Variants in DSCAM observed in about 807,000 individuals in gnomAD.
The protein encoded by DSCAM is cell adhesion molecule DSCAM.
DSCAM carries 47 observed loss-of-function variants against 217.7 expected under a neutral mutation model. The ratio of observed to expected loss-of-function variants is 0.22; its 90% CI spans 0.17 to 0.28. The LOEUF is 0.28. Among genes scored for constraint, DSCAM ranks in the 10% least tolerant of loss-of-function variants. The pLI is 1.00. For missense variants in DSCAM, 2,080 were observed against 2,618.3 expected (o/e 0.79, Z 4.49); for synonymous variants, 1,056 against 1,015.3 (o/e 1.04, Z -0.76).
At chr21:40,440,810 C>T (rs2075623434) in intron 3 of DSCAM, among the ~76,000 whole-genome samples, 1 of 151,696 alleles carries the variant, frequency 6.6e-6, no homozygotes, top group Non-Finnish European at 1.5e-5. Context: ...ACCTATACCA[C>T]ATGAGGTTGC....
intron 1 of DSCAM, among the ~76,000 whole-genome samples, chr21:40,829,568 G>A (rs927294574): frequency 5.3e-5 from 8 of 152,224 alleles, no homozygotes; most frequent in African/African-American, 1.9e-4. Context: ...GTGAGTAGGT[G>A]TGAGCACCTG....
At chr21:40,526,154 C>A (rs753201827) in intron 3 of DSCAM, among the ~76,000 whole-genome samples, 1 of 152,204 alleles carries the variant, frequency 6.6e-6, no homozygotes, top group Non-Finnish European at 1.5e-5. Context: ...GGGAGCCCAG[C>A]GTCAGAGGCT....
At chr21:40,146,120 G>A (rs2090354124) in intron 16 of DSCAM, among the ~76,000 whole-genome samples, 1 of 152,158 alleles carries the variant, frequency 6.6e-6, no homozygotes, top group Non-Finnish European at 1.5e-5. Flanking sequence ...CCTGCAGAGA[G>A]GAAATAAGCA....
At chr21:40,768,875 G>GA (rs1301512941) in intron 1 of DSCAM, among the ~76,000 whole-genome samples, 1 of 152,116 alleles carries the variant, frequency 6.6e-6, no homozygotes, top group Non-Finnish European at 1.5e-5. Context: ...AGAACAAGAG[G>GA]AAAAAACAAG....
At chr21:40,573,742 C>T (rs1160818721) in intron 3 of DSCAM, among the ~76,000 whole-genome samples, 1 of 152,048 alleles carries the variant, frequency 6.6e-6, no homozygotes, top group African/African-American at 2.4e-5. Context: ...AATTGGTATA[C>T]TTCTAGAAAA....
At chr21:40,113,306 A>T (rs916830695) in intron 20 of DSCAM, among the ~76,000 whole-genome samples, 16 of 152,290 alleles carry the variant, frequency 1.1e-4, no homozygotes, top group African/African-American at 3.8e-4. Context: ...AACCAAAGAC[A>T]AAAACCACAT....
chr21:40,629,406 G>A (rs2089656597), intron 3 of DSCAM: 1 of 152,182 alleles, frequency 6.6e-6, no homozygotes, highest in African/African-American at 2.4e-5. Context: ...CCAGTTAAAC[G>A]ATACCCAAAC....
intron 1 of DSCAM, among the ~76,000 whole-genome samples, chr21:40,739,459 G>A (rs1265812155): frequency 3.9e-5 from 6 of 152,322 alleles, no homozygotes; most frequent in South Asian, 2.1e-4. Context: ...AGAAGTCCAG[G>A]ACCAAGTTGT....
chr21:40,482,069 T>C (rs1569141772), intron 3 of DSCAM, among the ~76,000 whole-genome samples: 1 of 152,216 alleles, frequency 6.6e-6, no homozygotes, highest in Non-Finnish European at 1.5e-5. Context: ...GAAGAGCAAG[T>C]GCAGCCTCTC....
chr21:40,414,748 G>A (rs1050328559), intron 3 of DSCAM, among the ~76,000 whole-genome samples: 4 of 152,130 alleles, frequency 2.6e-5, no homozygotes, highest in African/African-American at 9.7e-5. Context: ...AGAATATCTC[G>A]AGTGAGTCAT....
intron 15 of DSCAM, among the ~76,000 whole-genome samples, chr21:40,175,780 T>TAC (rs35339524): frequency 0.41 from 58,958 of 144,294 alleles, 12,714 homozygotes; most frequent in East Asian, 0.57. Flanking sequence ...AACACACACA[T>TAC]ACACACACAC....
chr21:40,734,512 T>C (rs892003418), intron 1 of DSCAM, among the ~76,000 whole-genome samples: 2 of 152,240 alleles, frequency 1.3e-5, no homozygotes, highest in Non-Finnish European at 2.9e-5. Flanking sequence ...AAGCCATGCA[T>C]ACACAAAGGA....
At chr21:40,448,269 C>G (rs577576173) in intron 3 of DSCAM, among the ~76,000 whole-genome samples, 11 of 152,298 alleles carry the variant, frequency 7.2e-5, no homozygotes, top group African/African-American at 2.2e-4. Flanking sequence ...CACACACCAT[C>G]CAATCCAATG....
At chr21:40,812,641 A>G (rs1569048814) in intron 1 of DSCAM, among the ~76,000 whole-genome samples, 1 of 152,214 alleles carries the variant, frequency 6.6e-6, no homozygotes, top group Non-Finnish European at 1.5e-5. Flanking sequence ...TTCGAAGTGG[A>G]TATGTCCAGA....
chr21:40,555,183 G>A (rs1230915350), intron 3 of DSCAM, among the ~76,000 whole-genome samples: 1 of 152,124 alleles, frequency 6.6e-6, no homozygotes, highest in East Asian at 1.9e-4. Context: ...CTAGCTCAGG[G>A]TCTCACATCC....
At chr21:40,126,523 G>A (rs1380071578) in intron 19 of DSCAM, among the ~76,000 whole-genome samples, 2 of 152,144 alleles carry the variant, frequency 1.3e-5, no homozygotes, top group African/African-American at 4.8e-5. Context: ...ATTAAATGCA[G>A]TTCATGGAGT....
intron 16 of DSCAM, among the ~76,000 whole-genome samples, chr21:40,166,272 A>G (rs1255612854): frequency 1.3e-5 from 2 of 152,214 alleles, no homozygotes; most frequent in Non-Finnish European, 2.9e-5. Flanking sequence ...GTGACGCCAC[A>G]GAAAAAAAAC....
intron 3 of DSCAM, among the ~76,000 whole-genome samples, chr21:40,555,201 G>A (rs1189331524): frequency 6.6e-6 from 1 of 152,146 alleles, no homozygotes; most frequent in Non-Finnish European, 1.5e-5. Context: ...TCCATTACAT[G>A]AGAAAGCCAA....
intron 27 of DSCAM, among the ~76,000 whole-genome samples, chr21:40,064,297 A>G (rs78360654): frequency 0.016 from 2,385 of 152,210 alleles, 62 homozygotes; most frequent in African/African-American, 0.055. Flanking sequence ...TTCAAGGAGT[A>G]AACATCCCAC....
Sources: allele counts gnomAD v4.1 joint callset (sites outside exome capture counted in the v4.1 genomes callset), GRCh38; gene constraint gnomAD v4.1.1; transcripts MANE v1.5; gene names NCBI Gene and HGNC (gene_info 2026-07-23, HGNC 2026-07-21).